Variants in HAUS1 observed in about 807,000 individuals in gnomAD.
The protein encoded by HAUS1 is HAUS augmin-like complex subunit 1.
Under a neutral mutation model 38.6 loss-of-function variants are expected in HAUS1, and 25 were observed. The ratio of observed to expected loss-of-function variants is 0.65; its 90% confidence interval spans 0.47 to 0.91. HAUS1 has a LOEUF of 0.91. Ranked by LOEUF, HAUS1 falls within the 40% of genes least tolerant of loss-of-function variation. HAUS1 has a pLI of 0.00. For missense variants in HAUS1, 325 were observed against 328.4 expected (o/e 0.99, Z 0.08); for synonymous variants, 109 against 112.9 (o/e 0.97, Z 0.22).
chr18:46,104,503 C>T, intron 1 of HAUS1, 62 bp downstream of exon 1: 1 of 1,355,898 alleles, frequency 7.4e-7, no homozygotes. Flanking sequence ...CACCCCCGCG[C>T]CGACAGCGGG....
chr18:46,127,087 G>A (rs1464420260), intron 8 of HAUS1, among the ~76,000 whole-genome samples: 1 of 151,940 alleles, frequency 6.6e-6, no homozygotes, highest in African/African-American at 2.4e-5. Context: ...ACCCGCCTCA[G>A]CCTCCCAAAG....
At chr18:46,118,530 G>T in intron 3 of HAUS1, 3 of 517,728 alleles carry the variant, frequency 5.8e-6, no homozygotes, top group Non-Finnish European at 1.0e-5. Context: ...TTAGATTTAT[G>T]AAGGGTGGTT....
At chr18:46,123,491 T>C (rs1421790388) in intron 6 of HAUS1, 127 bp downstream of exon 6, 2 of 669,600 alleles carry the variant, frequency 3.0e-6, no homozygotes, top group Admixed American at 5.2e-5. Context: ...ACCTTTGTAC[T>C]TTATATTCAC....
chr18:46,113,752 T>C (rs549511429), intron 2 of HAUS1, among the ~76,000 whole-genome samples: 10 of 152,290 alleles, frequency 6.6e-5, no homozygotes, highest in South Asian at 2.1e-4. Context: ...TGCTGGAAAC[T>C]GGACATTTCA....
intron 8 of HAUS1, among the ~76,000 whole-genome samples, chr18:46,127,721 A>G (rs1171811718): frequency 6.6e-6 from 1 of 151,936 alleles, no homozygotes; most frequent in Non-Finnish European, 1.5e-5. Context: ...AAAAAAAAAA[A>G]AAACACAGAA....
At position 46,123,294 on chromosome 18, in the gene HAUS1, T is replaced by A; in HGVS notation, c.601-5T>A. ...TAACTGAACTCCTTTTTTTGGTAAT[T>A]GTAGGAGCAACTTTCAGCCAGAGGC... On this transcript the variant is annotated splice_polypyrimidine_tract_variant and splice_region_variant and intron_variant, in intron 5 of 8. Transcript: ENST00000282058. The A allele has an allele frequency of 2.5e-6, 4 of 1,603,592 alleles. No homozygotes were observed. Among genetic ancestry groups the A allele is most frequent in the Non-Finnish European group, 2.6e-6 (3 of 1,172,324 alleles).
chr18:46,109,089 G>T (rs1303041913), intron 2 of HAUS1, among the ~76,000 whole-genome samples: 1 of 148,412 alleles, frequency 6.7e-6, no homozygotes, highest in South Asian at 2.1e-4. Context: ...AAAAAAAAAA[G>T]AGAAAAGAAG....
rs146499336 is a variant in HAUS1, at chr18:46,118,368, T to TA, written c.341+55dup. On this transcript the variant is annotated intron_variant, in intron 3 of 8. Coordinates refer to ENST00000282058, the MANE Select transcript of HAUS1 (RefSeq NM_138443.4). ...CGCAATCATATCTGCTATAAGGTCT[T>TA]AAAGACTTTTTGTTCTCAGCATAAT... The TA allele has an allele frequency of 1.4e-4, 219 of 1,563,292 alleles. No individual in the cohort carries two copies. In the East Asian group the frequency reaches 4.6e-3, roughly 33 times the overall value.
At chr18:46,114,340 T>C (rs997081942) in intron 2 of HAUS1, among the ~76,000 whole-genome samples, 10 of 152,226 alleles carry the variant, frequency 6.6e-5, no homozygotes, top group Non-Finnish European at 1.5e-4. Flanking sequence ...TGACTTGATT[T>C]TCCCATGAGG....
At chr18:46,118,791 G>T (rs964101806) in intron 3 of HAUS1, among the ~76,000 whole-genome samples, 1 of 152,186 alleles carries the variant, frequency 6.6e-6, no homozygotes, top group African/African-American at 2.4e-5. Flanking sequence ...TGGCAGAGCT[G>T]AGATTCAAAA....
chr18:46,127,852 A>G (rs17757458), intron 8 of HAUS1, among the ~76,000 whole-genome samples: 4,056 of 152,152 alleles, frequency 0.027, 70 homozygotes, highest in Non-Finnish European at 0.041. Context: ...TTCCCTTCAC[A>G]TATTTCTTAG....
rs144077263 is a variant in HAUS1 at position 46,125,856 on chromosome 18, GTCT to G, written c.786+71_786+73del. 6,773 of 1,003,384 alleles carry G rather than the reference GTCT, an allele frequency of 6.8e-3. 41 individuals are homozygous for G. Among genetic ancestry groups the G allele is most frequent in the Non-Finnish European group, 8.5e-3 (5,528 of 652,696 alleles). 62.2% of individuals were successfully genotyped at this position (1,003,384 alleles called of 1,614,324 possible). ...GAAAATAAATGCTAATATAGCTAAA[GTCT>G]TCTTCATCCTTCTTTCCTTTCTCCT... On this transcript the variant is annotated intron_variant, in intron 8 of 8. Transcript: ENST00000282058.
At chr18:46,120,983 A>G (rs1911923941) in intron 4 of HAUS1, among the ~76,000 whole-genome samples, 1 of 152,176 alleles carries the variant, frequency 6.6e-6, no homozygotes, top group Admixed American at 6.5e-5. Flanking sequence ...TTTGTTGTGC[A>G]TTCTTGCTAT....
intron 2 of HAUS1, among the ~76,000 whole-genome samples, chr18:46,109,318 C>A (rs993890129): frequency 6.6e-6 from 1 of 152,114 alleles, no homozygotes; most frequent in African/African-American, 2.4e-5. Context: ...CCCCATGATC[C>A]AATCACCTTC....
At chr18:46,113,078 A>AT (rs1404387267) in intron 2 of HAUS1, among the ~76,000 whole-genome samples, 62 of 136,650 alleles carry the variant, frequency 4.5e-4, no homozygotes, top group Middle Eastern at 3.7e-3. Flanking sequence ...TATATTCCAT[A>AT]TATATATATA....
rs1413067831 is a variant in HAUS1, at chr18:46,105,400, T to C, written c.205+32T>C. ...TTAAGTCCAGAGTTTTGAACGAGAA[T>C]AAATAGAGGTAACCAAATTTTATAA... On this transcript the variant is annotated intron_variant, in intron 2 of 8. Transcript: ENST00000282058. 6.4e-6 allele frequency: 10 copies of C among 1,573,280 alleles called. No homozygotes were observed. In the Admixed American group the frequency reaches 1.9e-4, roughly 29 times the overall value.
At chr18:46,116,147 AAAGAAAGGG>A (rs1171620773) in intron 2 of HAUS1, among the ~76,000 whole-genome samples, 2 of 152,122 alleles carry the variant, frequency 1.3e-5, no homozygotes, top group Non-Finnish European at 2.9e-5. Context: ...AAAAGGAAAG[AAAGAAAGGG>A]AAGAAAGGAA....
At chr18:46,116,538 G>A (rs1455322044) in intron 2 of HAUS1, among the ~76,000 whole-genome samples, 1 of 151,442 alleles carries the variant, frequency 6.6e-6, no homozygotes, top group African/African-American at 2.4e-5. Flanking sequence ...TCCAGCCTGG[G>A]TGACAGAGCA....
chr18:46,105,570 GTGT>G (rs1911445240), intron 2 of HAUS1, among the ~76,000 whole-genome samples: 1 of 150,006 alleles, frequency 6.7e-6, no homozygotes, highest in Non-Finnish European at 1.5e-5. Context: ...GTGTGTGTGT[GTGT>G]GTGTGTGTGT....
Sources: allele counts gnomAD v4.1 joint callset (sites outside exome capture counted in the v4.1 genomes callset), GRCh38; gene constraint gnomAD v4.1.1; transcripts MANE v1.5; gene names NCBI Gene and HGNC (gene_info 2026-07-23, HGNC 2026-07-21).